The following CACNA1D variants were observed in gnomAD, a reference collection of about 807,000 sequenced individuals.
CACNA1D encodes voltage-dependent L-type calcium channel subunit alpha-1D.
In CACNA1D, 55 loss-of-function variants were observed where a neutral mutation model predicts 257.1. The observed-to-expected ratio is 0.21, with a 90% CI of 0.17 to 0.27. CACNA1D has a LOEUF of 0.27. Ranked by LOEUF, CACNA1D falls within the 10% of genes least tolerant of loss-of-function variation. The pLI, the probability that CACNA1D is intolerant of heterozygous loss-of-function variation, is 1.00. For synonymous variants in CACNA1D, 980 were observed against 1,014.9 expected, an observed-to-expected ratio of 0.97 and a Z score of 0.65; for missense variants, 1,876 against 2,784.0, an observed-to-expected ratio of 0.67 and a Z score of 7.34.
At chr3:53,626,424 C>T (rs568220320) in intron 3 of CACNA1D, among the ~76,000 whole-genome samples, 58 of 152,208 alleles carry the variant, frequency 3.8e-4, no homozygotes, top group African/African-American at 1.2e-3. Context: ...TAACAGGTGC[C>T]GTGTGCATTG....
At chr3:53,574,233 C>T (rs1423433733) in intron 3 of CACNA1D, among the ~76,000 whole-genome samples, 2 of 152,178 alleles carry the variant, frequency 1.3e-5, no homozygotes, top group South Asian at 2.1e-4. Flanking sequence ...ACACAGGCAC[C>T]ATGTGTACAC....
intron 47 of CACNA1D, 140 bp downstream of exon 47, chr3:53,810,438 G>A (rs1477386501): frequency 1.2e-6 from 1 of 802,086 alleles, no homozygotes; most frequent in South Asian, 1.4e-5. Flanking sequence ...TGAGCAGCAG[G>A]AATGTACCTG....
chr3:53,689,227 T>G (rs2094498625), intron 8 of CACNA1D, among the ~76,000 whole-genome samples: 1 of 152,046 alleles, frequency 6.6e-6, no homozygotes, highest in Non-Finnish European at 1.5e-5. Context: ...TGGGACCTGG[T>G]GCCTCCTGCC....
At chr3:53,575,056 G>A (rs1354518356) in intron 3 of CACNA1D, among the ~76,000 whole-genome samples, 1 of 152,220 alleles carries the variant, frequency 6.6e-6, no homozygotes, top group African/African-American at 2.4e-5. Context: ...ACAGCATTAT[G>A]TGTGCCTCCA....
At chr3:53,671,153 A>G (rs2094319558) in intron 7 of CACNA1D, among the ~76,000 whole-genome samples, 1 of 152,220 alleles carries the variant, frequency 6.6e-6, no homozygotes, top group South Asian at 2.1e-4. Context: ...TAAATTTTTT[A>G]AAGGAAAATT....
intron 3 of CACNA1D, among the ~76,000 whole-genome samples, chr3:53,636,971 T>C (rs2093891536): frequency 6.6e-6 from 1 of 152,242 alleles, no homozygotes; most frequent in African/African-American, 2.4e-5. Context: ...CTCAGACTTA[T>C]TAATAAAGAC....
chr3:53,643,848 C>T (rs1238298224), intron 3 of CACNA1D, among the ~76,000 whole-genome samples: 2 of 152,178 alleles, frequency 1.3e-5, no homozygotes, highest in South Asian at 2.1e-4. Flanking sequence ...TGCCTTCGTG[C>T]AGGCTCCTCT....
intron 3 of CACNA1D, among the ~76,000 whole-genome samples, chr3:53,598,812 G>A (rs2093405192): frequency 1.3e-5 from 2 of 152,324 alleles, no homozygotes; most frequent in South Asian, 4.1e-4. Flanking sequence ...AAAGCGGGAT[G>A]TGCCCATGCC....
intron 23 of CACNA1D, among the ~76,000 whole-genome samples, chr3:53,745,147 A>G (rs1482218860): frequency 6.6e-6 from 1 of 151,978 alleles, no homozygotes; most frequent in Non-Finnish European, 1.5e-5. Flanking sequence ...AGACTGTATA[A>G]AAGGCTACTG....
intron 39 of CACNA1D, chr3:53,786,421 A>C (rs1428733239): frequency 4.4e-6 from 1 of 226,062 alleles, no homozygotes; most frequent in African/African-American, 2.3e-5. Context: ...TGATAAGTTT[A>C]TGGTAGTTAT....
intron 3 of CACNA1D, among the ~76,000 whole-genome samples, chr3:53,650,399 C>G (rs1033923917): frequency 6.6e-6 from 1 of 152,168 alleles, no homozygotes; most frequent in Non-Finnish European, 1.5e-5. Flanking sequence ...TTTGTTGTAC[C>G]CTTGTGCTTT....
chr3:53,806,097 CCTT>C lies in CACNA1D; in HGVS notation c.5749+953_5749+955del, dbSNP rs776231797. Among the ~76,000 whole-genome samples, 86 of 146,600 alleles carry C rather than the reference CCTT, an allele frequency of 5.9e-4. 1 individual carries two copies. The highest frequency in any genetic ancestry group is 1.0e-3 in the Non-Finnish European group (68 of 66,754). On this transcript the variant is annotated intron_variant, in intron 45 of 47. Transcript: ENST00000350061. ...TCTCATCTTCCCTCATCTTCCTCCT[CCTT>C]CGTCTTCTAGCATCTTCCTTTATCT...
At chr3:53,803,696 A>C in intron 44 of CACNA1D, 124 bp downstream of exon 44, 1 of 880,470 alleles carries the variant, frequency 1.1e-6, no homozygotes. Flanking sequence ...ATGGGAGCAG[A>C]AACTCCAGGC....
chr3:53,553,992 G>A (rs574734282), intron 3 of CACNA1D, among the ~76,000 whole-genome samples: 1 of 151,646 alleles, frequency 6.6e-6, no homozygotes, highest in Non-Finnish European at 1.5e-5. Flanking sequence ...GTCAGGAGAT[G>A]GAGACCATCC....
At chr3:53,659,047 C>T (rs201187386) in intron 4 of CACNA1D, among the ~76,000 whole-genome samples, 1 of 152,200 alleles carries the variant, frequency 6.6e-6, no homozygotes, top group East Asian at 1.9e-4. Flanking sequence ...AAACTTTGGA[C>T]ACCTTTTCTT....
intron 40 of CACNA1D, chr3:53,791,917 T>G (rs558453569): frequency 1.1e-4 from 17 of 152,504 alleles, no homozygotes; most frequent in African/African-American, 3.8e-4. Context: ...GCAAGACACT[T>G]AACCTCTCTG....
chr3:53,768,162 G>A (rs1395427585), intron 30 of CACNA1D, among the ~76,000 whole-genome samples: 3 of 152,252 alleles, frequency 2.0e-5, no homozygotes, highest in African/African-American at 7.2e-5. Context: ...CAGACTTGAA[G>A]CAGAATAGGG....
intron 3 of CACNA1D, among the ~76,000 whole-genome samples, chr3:53,528,947 TAAAG>T (rs1384965673): frequency 1.3e-5 from 2 of 152,198 alleles, no homozygotes; most frequent in East Asian, 3.8e-4. Flanking sequence ...ATTTTGTGAA[TAAAG>T]ATAGTTTTGT....
intron 20 of CACNA1D, among the ~76,000 whole-genome samples, chr3:53,739,152 C>G (rs999823317): frequency 6.6e-6 from 1 of 152,230 alleles, no homozygotes; most frequent in African/African-American, 2.4e-5. Context: ...CAGCTCACCC[C>G]TGTGACTCTT....
Sources: allele counts gnomAD v4.1 joint callset (sites outside exome capture counted in the v4.1 genomes callset), GRCh38; gene constraint gnomAD v4.1.1; transcripts MANE v1.5; gene names NCBI Gene and HGNC (gene_info 2026-07-23, HGNC 2026-07-21).